The following MAOA variants were observed in gnomAD, a reference collection of about 807,000 sequenced individuals.
The protein encoded by MAOA is amine oxidase [flavin-containing] A.
MAOA carries 6 observed loss-of-function variants against 42.0 expected under a neutral mutation model. The ratio of observed to expected loss-of-function variants is 0.14; its 90% CI spans 0.08 to 0.28. The LOEUF (loss-of-function observed/expected upper bound fraction) is 0.28. MAOA is among the 10% of genes least tolerant of loss of function. MAOA has a pLI of 1.00. For synonymous variants in MAOA, 140 were observed against 154.0 expected (o/e 0.91, Z 0.67); for missense variants, 262 against 422.3 (o/e 0.62, Z 3.33).
At chrX:43,738,810 G>C (rs1239376741) in intron 10 of MAOA, among the ~76,000 whole-genome samples, 1 of 111,730 alleles carries the variant, frequency 9.0e-6, no homozygotes, top group Non-Finnish European at 1.9e-5. Context: ...GACAGAGTGA[G>C]ACCCTATCTC....
chrX:43,673,020 G>A (rs1436494202), intron 1 of MAOA, among the ~76,000 whole-genome samples: 2 of 110,906 alleles, frequency 1.8e-5, no homozygotes, highest in Non-Finnish European at 3.8e-5. Context: ...AATGGTACCA[G>A]TTCCTCCTTG....
chrX:43,684,874 C>CTTT (rs201207592), intron 2 of MAOA, among the ~76,000 whole-genome samples: 5 of 59,599 alleles, frequency 8.4e-5, no homozygotes, highest in East Asian at 5.0e-4. Context: ...CTTTTCTTTT[C>CTTT]TTTTTTTTTT....
intron 5 of MAOA, among the ~76,000 whole-genome samples, chrX:43,724,899 A>G (rs1166672235): frequency 8.9e-6 from 1 of 112,149 alleles, no homozygotes; most frequent in Admixed American, 9.5e-5. Flanking sequence ...GTTTCAAAGA[A>G]CATCTTTATT....
intron 9 of MAOA, among the ~76,000 whole-genome samples, chrX:43,734,132 CTTTTTTTTTTT>C (rs745875170): frequency 3.2e-5 from 2 of 62,434 alleles, no homozygotes; most frequent in African/African-American, 1.1e-4. Context: ...TTTGGGCTTT[CTTTTTTTTTTT>C]TTTTTTTTGG....
At position 43,706,811 on chromosome X, in the gene MAOA, CA is replaced by C. The variant is rs201731310; in HGVS notation, c.307-5053del. Among the ~76,000 whole-genome samples, 263 of 109,183 alleles carry C rather than the reference CA, an allele frequency of 2.4e-3. 3 individuals carry two copies. Among genetic ancestry groups the C allele is most frequent in the Admixed American group, 0.011 (111 of 10,169 alleles). The allele number at this position is 109,183 out of a possible 115,157, so 94.8% of individuals were successfully genotyped here. On this transcript the variant is annotated intron_variant, in intron 3 of 14. Coordinates refer to ENST00000338702, the MANE Select transcript of MAOA (RefSeq NM_000240.4). ...CCTGGGTGACAGAGAAAGATCCTGT[CA>C]AAAAAAACAAATAAAACCCTTCATT... is the stretch of plus-strand genomic sequence containing the variant.
intron 5 of MAOA, among the ~76,000 whole-genome samples, chrX:43,716,614 G>C (rs1569198151): frequency 9.0e-6 from 1 of 110,914 alleles, no homozygotes; most frequent in Non-Finnish European, 1.9e-5. Flanking sequence ...CCAGGAATGA[G>C]CCACGGTGAC....
At chrX:43,686,810 A>C (rs1294527305) in intron 2 of MAOA, among the ~76,000 whole-genome samples, 2 of 111,603 alleles carry the variant, frequency 1.8e-5, no homozygotes, top group Non-Finnish European at 3.8e-5. Flanking sequence ...AAAAAATTAA[A>C]AATTTTAAAA....
chrX:43,686,045 A>G (rs1481212700), intron 2 of MAOA, among the ~76,000 whole-genome samples: 1 of 112,059 alleles, frequency 8.9e-6, no homozygotes, highest in African/African-American at 3.3e-5. Flanking sequence ...TTCAAATTCT[A>G]ATTGAAGGCA....
intron 5 of MAOA, among the ~76,000 whole-genome samples, chrX:43,725,662 C>T (rs773762866): frequency 2.7e-5 from 3 of 111,579 alleles, no homozygotes; most frequent in African/African-American, 3.3e-5. Flanking sequence ...GGGCATTTAG[C>T]CCATTTACAT....
At chrX:43,671,630 G>A (rs1409850964) in intron 1 of MAOA, among the ~76,000 whole-genome samples, 2 of 102,668 alleles carry the variant, frequency 1.9e-5, no homozygotes, top group Non-Finnish European at 4.0e-5. Context: ...TAAGGTGTAA[G>A]GAAGGGATCC....
intron 5 of MAOA, among the ~76,000 whole-genome samples, chrX:43,727,179 G>A (rs771534239): frequency 5.3e-5 from 6 of 112,161 alleles, no homozygotes; most frequent in East Asian, 2.8e-4. Flanking sequence ...CAGTCTGTCC[G>A]TTATCAGAGC....
intron 5 of MAOA, 26 bp downstream of exon 5, chrX:43,712,822 T>G (rs774920225): frequency 9.5e-6 from 10 of 1,050,013 alleles, no homozygotes; most frequent in Middle Eastern, 2.5e-4. Flanking sequence ...CATTCAAAAT[T>G]TACTTTTTAT....
At chrX:43,667,093 A>G (rs2033287889) in intron 1 of MAOA, among the ~76,000 whole-genome samples, 1 of 109,981 alleles carries the variant, frequency 9.1e-6, no homozygotes, top group African/African-American at 3.3e-5. Flanking sequence ...TACATATGTA[A>G]CAAACCTGCA....
intron 1 of MAOA, among the ~76,000 whole-genome samples, chrX:43,663,392 T>TA (rs1404949996): frequency 9.0e-6 from 1 of 111,637 alleles, no homozygotes; most frequent in African/African-American, 3.3e-5. Flanking sequence ...GTTAAGAACA[T>TA]AAAAAACAGA....
intron 13 of MAOA, 101 bp from the exon 14 acceptor site, chrX:43,744,008 C>A (rs2033980349): frequency 2.5e-6 from 3 of 1,185,030 alleles, no homozygotes; most frequent in Admixed American, 2.3e-5. Flanking sequence ...ATGTCCATTT[C>A]TCTGCCCCTC....
At chrX:43,709,334 G>A (rs1268597429) in intron 3 of MAOA, among the ~76,000 whole-genome samples, 2 of 111,514 alleles carry the variant, frequency 1.8e-5, no homozygotes. Flanking sequence ...GAAGAACTTC[G>A]TTAGGAATGT....
At chrX:43,680,314 TA>T (rs2033432724) in intron 1 of MAOA, among the ~76,000 whole-genome samples, 1 of 111,349 alleles carries the variant, frequency 9.0e-6, no homozygotes, top group Non-Finnish European at 1.9e-5. Flanking sequence ...ACTAGCTGTT[TA>T]AAAGATTTAT....
At chrX:43,667,137 AT>A (rs763933044) in intron 1 of MAOA, among the ~76,000 whole-genome samples, 16 of 110,834 alleles carry the variant, frequency 1.4e-4, no homozygotes, top group African/African-American at 2.0e-4. Context: ...CTTAAAGTAT[AT>A]ATATAAAAAA....
At chrX:43,689,224 C>T (rs930967376) in intron 2 of MAOA, among the ~76,000 whole-genome samples, 2 of 111,511 alleles carry the variant, frequency 1.8e-5, no homozygotes, top group Non-Finnish European at 3.8e-5. Context: ...GGATCACAGG[C>T]GCTGCCACCA....
Sources: gnomAD v4.1 joint callset for allele counts (sites outside exome capture counted in the v4.1 genomes callset) on GRCh38, gnomAD v4.1.1 for gene constraint, MANE v1.5 for transcripts, NCBI Gene and HGNC (gene_info 2026-07-23, HGNC 2026-07-21) for gene names.